DGKB: variants seen among roughly 807,000 people sequenced by gnomAD.
DGKB encodes 90 kDa diacylglycerol kinase.
A neutral mutation model predicts 114.3 loss-of-function variants in DGKB; 67 were observed. The observed-to-expected ratio is 0.59, with a 90% CI of 0.48 to 0.72. The LOEUF is 0.72. DGKB is among the 30% of genes least tolerant of loss of function. The pLI, the probability that DGKB is intolerant of heterozygous loss-of-function variation, is 0.00. For synonymous variants in DGKB, 398 were observed against 323.1 expected (o/e 1.23, Z -2.49); for missense variants, 907 against 975.2 (o/e 0.93, Z 0.93).
rs116766955 is a variant in DGKB at position 14,347,250 on chromosome 7, C to A, written c.1836-1859G>T. Among the ~76,000 whole-genome samples, 1,131 of 152,046 alleles carry A rather than the reference C, an allele frequency of 7.4e-3. 14 individuals carry two copies. The highest frequency in any genetic ancestry group is 0.025 in the African/African-American group (1,018 of 41,506). On this transcript the variant is annotated intron_variant, in intron 21 of 25. Transcript: ENST00000402815. ...TCAAAACCACAATTAGATATCACCTCCTTTTTGTTAGGATGGCTATTTTCA... is the reference window on the plus strand; with the variant it reads ...TCAAAACCACAATTAGATATCACCTACTTTTTGTTAGGATGGCTATTTTCA...
At chr7:14,656,315 T>C (rs1378314503) in intron 13 of DGKB, among the ~76,000 whole-genome samples, 1 of 151,658 alleles carries the variant, frequency 6.6e-6, no homozygotes, top group Admixed American at 6.6e-5. Flanking sequence ...CTTCTAGATA[T>C]TATATAGACA....
chr7:14,866,695 T>C (rs1442647119), intron 1 of DGKB, among the ~76,000 whole-genome samples: 3 of 152,154 alleles, frequency 2.0e-5, no homozygotes, highest in South Asian at 2.1e-4. Flanking sequence ...CTATAAACAT[T>C]CATATGCAGA....
intron 25 of DGKB, among the ~76,000 whole-genome samples, chr7:14,153,311 T>C (rs1444637788): frequency 6.6e-6 from 1 of 152,084 alleles, no homozygotes; most frequent in East Asian, 1.9e-4. Flanking sequence ...TCCATAAGCA[T>C]TTATTGAAGC....
At position 14,694,587 on chromosome 7, in the gene DGKB, G is replaced by C. The variant is rs115023626; in HGVS notation, c.592-393C>G. ...AAGAGCTCATATAATTCTTTGCTAA[G>C]TAGTAAGGGGCGAAGGAATTTAGTT... On this transcript the variant is annotated intron_variant, in intron 8 of 25. Coordinates refer to ENST00000402815, the MANE Select transcript of DGKB (RefSeq NM_001350709.2). Among the ~76,000 whole-genome samples the C allele has an allele frequency of 9.7e-3, 1,474 of 152,274 alleles. 25 individuals carry two copies. Among genetic ancestry groups the C allele is most frequent in the African/African-American group, 0.034 (1,418 of 41,552 alleles).
At chr7:14,816,101 C>A (rs879820351) in intron 2 of DGKB, among the ~76,000 whole-genome samples, 2 of 152,028 alleles carry the variant, frequency 1.3e-5, no homozygotes, top group Non-Finnish European at 2.9e-5. Flanking sequence ...GAGGACGAGG[C>A]GGGCAGATCA....
At chr7:14,514,662 T>C (rs1788493972) in intron 20 of DGKB, among the ~76,000 whole-genome samples, 1 of 152,192 alleles carries the variant, frequency 6.6e-6, no homozygotes, top group African/African-American at 2.4e-5. Flanking sequence ...AATACAGATA[T>C]TTTTATTTTT....
chr7:14,923,983 C>CAAAAAATAAAA (rs1784629999), intron 1 of DGKB, among the ~76,000 whole-genome samples: 1 of 76,188 alleles, frequency 1.3e-5, no homozygotes, highest in African/African-American at 7.3e-5. Flanking sequence ...AGCTCCATCT[C>CAAAAAATAAAA]AAAAAAAAAA....
At chr7:14,517,762 C>G (rs1364621369) in intron 20 of DGKB, among the ~76,000 whole-genome samples, 1 of 151,944 alleles carries the variant, frequency 6.6e-6, no homozygotes, top group African/African-American at 2.4e-5. Context: ...CAATGAGATA[C>G]CATCCCATAC....
At chr7:14,443,240 C>A (rs944595758) in intron 21 of DGKB, among the ~76,000 whole-genome samples, 2 of 152,024 alleles carry the variant, frequency 1.3e-5, no homozygotes, top group South Asian at 4.1e-4. Flanking sequence ...ACCTTAGAAC[C>A]ATCAGATCCC....
At chr7:14,761,240 C>T (rs886204629) in intron 2 of DGKB, among the ~76,000 whole-genome samples, 3 of 152,058 alleles carry the variant, frequency 2.0e-5, no homozygotes, top group Non-Finnish European at 4.4e-5. Context: ...CTGATTTGAC[C>T]GGTCAATCTT....
intron 21 of DGKB, among the ~76,000 whole-genome samples, chr7:14,425,336 T>C (rs1178681860): frequency 6.6e-6 from 1 of 152,096 alleles, no homozygotes; most frequent in Non-Finnish European, 1.5e-5. Context: ...ATAATAAAAA[T>C]TCTCACTTGT....
intron 14 of DGKB, among the ~76,000 whole-genome samples, chr7:14,627,002 G>C (rs548142195): frequency 6.6e-6 from 1 of 152,104 alleles, no homozygotes; most frequent in East Asian, 1.9e-4. Context: ...AAATTGGAAA[G>C]CTTATGTTAG....
rs192118415 is a variant in DGKB, at chr7:14,762,129, T to C, written c.71-4398A>G. On this transcript the variant is annotated intron_variant, in intron 2 of 25. Transcript: ENST00000402815. ...TAACTACAGCTGAGACAATGGGCTG[T>C]CTTTTTCATCACTGTCAGAATCAAC... Among the ~76,000 whole-genome samples, 460 of 152,300 alleles carry C rather than the reference T, an allele frequency of 3.0e-3. 1 individual carries two copies. Among genetic ancestry groups the C allele is most frequent in the African/African-American group, 0.011 (451 of 41,582 alleles).
intron 23 of DGKB, among the ~76,000 whole-genome samples, chr7:14,337,308 A>G (rs1810853649): frequency 6.6e-6 from 1 of 152,064 alleles, no homozygotes; most frequent in Non-Finnish European, 1.5e-5. Context: ...ATTTTCCTCC[A>G]TATTTTCATA....
intron 1 of DGKB, among the ~76,000 whole-genome samples, chr7:14,851,764 G>C (rs1849381527): frequency 6.6e-6 from 1 of 152,172 alleles, no homozygotes; most frequent in African/African-American, 2.4e-5. Flanking sequence ...TCCAAAGAAT[G>C]CTCAAAGTAG....
intron 25 of DGKB, among the ~76,000 whole-genome samples, chr7:14,167,119 G>A (rs1437930241): frequency 5.4e-5 from 8 of 147,660 alleles, no homozygotes; most frequent in South Asian, 2.1e-4. Context: ...GCTGAGGCAT[G>A]AGAATTGCTT....
chr7:14,273,901 T>G (rs1021383291), intron 23 of DGKB, among the ~76,000 whole-genome samples: 6 of 152,226 alleles, frequency 3.9e-5, no homozygotes, highest in African/African-American at 2.4e-5. Flanking sequence ...TACTAACAGA[T>G]AATCAAGATG....
chr7:14,248,045 T>C (rs1413756027), intron 23 of DGKB, among the ~76,000 whole-genome samples: 1 of 152,056 alleles, frequency 6.6e-6, no homozygotes, highest in East Asian at 1.9e-4. Context: ...GAAATAGGAG[T>C]TCGATTCTAT....
chr7:14,524,710 C>T (rs571618065), intron 20 of DGKB, among the ~76,000 whole-genome samples: 32 of 148,356 alleles, frequency 2.2e-4, no homozygotes, highest in African/African-American at 5.5e-4. Flanking sequence ...GAGTGGAGAT[C>T]GCACCACTGC....
Sources: gnomAD v4.1 joint callset for allele counts (sites outside exome capture counted in the v4.1 genomes callset) on GRCh38, gnomAD v4.1.1 for gene constraint, MANE v1.5 for transcripts, NCBI Gene and HGNC (gene_info 2026-07-23, HGNC 2026-07-21) for gene names.